Variants in ARHGEF28 observed in about 807,000 individuals in gnomAD.
ARHGEF28 encodes the protein Rho guanine nucleotide exchange factor 28.
ARHGEF28 carries 152 observed loss-of-function variants against 206.6 expected under a neutral mutation model. The ratio of observed to expected loss-of-function variants is 0.74; its 90% CI spans 0.64 to 0.84. The LOEUF (loss-of-function observed/expected upper bound fraction) is 0.84. Ranked by LOEUF, ARHGEF28 falls within the 40% of genes least tolerant of loss-of-function variation. The pLI is 0.00. For missense variants in ARHGEF28, 2,028 were observed against 2,073.2 expected (o/e 0.98, Z 0.42); for synonymous variants, 763 against 776.4 (o/e 0.98, Z 0.29).
intron 35 of ARHGEF28, among the ~76,000 whole-genome samples, chr5:73,912,858 A>G (rs561440677): frequency 3.8e-4 from 58 of 152,298 alleles, no homozygotes; most frequent in African/African-American, 1.4e-3. Context: ...TTAATCTGCT[A>G]TTTACAGTGC....
chr5:73,870,490 C>G (rs747223789), intron 21 of ARHGEF28, among the ~76,000 whole-genome samples: 3 of 152,166 alleles, frequency 2.0e-5, no homozygotes, highest in Non-Finnish European at 2.9e-5. Flanking sequence ...ATAATATGTA[C>G]CTGGCACAGA....
rs1121378 is a variant in ARHGEF28 at position 73,768,011 on chromosome 5, C to A, written c.476-5844C>A. On this transcript the variant is annotated intron_variant, in intron 4 of 35. Transcript: ENST00000513042. ...AGAACTCGGGCCATGGCTTCTGAGG[C>A]TGCAAACCTCAAGCCTTGGCAGCCT... 2.0e-3 allele frequency among the ~76,000 whole-genome samples: 301 copies of A among 152,256 alleles called. 6 individuals are homozygous for A. Among genetic ancestry groups the A allele is most frequent in the African/African-American group, 6.9e-3 (286 of 41,500 alleles).
rs908788790 is a variant in ARHGEF28 at position 73,650,286 on chromosome 5, T to C, written c.-12+23964T>C. Among the ~76,000 whole-genome samples the C allele has an allele frequency of 1.9e-4, 27 of 144,686 alleles. 1 individual carries two copies. Among genetic ancestry groups the C allele is most frequent in the Admixed American group, 7.5e-4 (11 of 14,606 alleles). 94.9% of individuals were successfully genotyped at this position (144,686 alleles called of 152,430 possible). On this transcript the variant is annotated intron_variant, in intron 1 of 35. Transcript: ENST00000513042. The stretch of plus-strand genomic sequence containing the variant: ...GATGTTTTCTTTCTTTCTTTTTTTT[T>C]TTTTTTTTTTTTTTTTTAGACGGAG...
chr5:73,774,485 G>T (rs1255447044), intron 5 of ARHGEF28, among the ~76,000 whole-genome samples: 3 of 152,142 alleles, frequency 2.0e-5, no homozygotes, highest in African/African-American at 7.2e-5. Context: ...CCATTGCAAT[G>T]CTCTAGTACA....
chr5:73,937,205 G>A (rs951556049), intron 35 of ARHGEF28, among the ~76,000 whole-genome samples: 4 of 152,176 alleles, frequency 2.6e-5, no homozygotes, highest in African/African-American at 9.7e-5. Flanking sequence ...AAAAGGAATG[G>A]TGCCAGCCAA....
At chr5:73,901,049 A>G (rs1178374474) in intron 30 of ARHGEF28, 135 bp from the exon 31 acceptor site, 1 of 673,542 alleles carries the variant, frequency 1.5e-6, no homozygotes, top group Non-Finnish European at 2.6e-6. Context: ...CACCTCATCT[A>G]AGAATACTCA....
chr5:73,689,935 T>A (rs1747710364), intron 2 of ARHGEF28, among the ~76,000 whole-genome samples: 1 of 152,172 alleles, frequency 6.6e-6, no homozygotes, highest in Admixed American at 6.5e-5. Context: ...AAAGGGTAAG[T>A]TAGAATCAGT....
chr5:73,911,514 C>T lies in ARHGEF28; in HGVS notation c.4887C>T (p.Ala1629=), dbSNP rs149607856. 22 of 1,613,306 alleles carry T rather than the reference C, an allele frequency of 1.4e-5. No homozygotes were observed. The highest frequency in any genetic ancestry group is 4.4e-5 in the South Asian group (4 of 90,878). Residue 1629 remains alanine (A), a synonymous_variant, in exon 35 of 36, where the codon GCC becomes GCT. Transcript: ENST00000513042. ...PSNVSHKLWT[A]AGSGHQILPF... Reference sequence around the variant, plus strand: ...ATGTCAGTCACAAACTGTGGACAGCCGCTGGTTCCGGCCATCAGATACTTC... The same window carrying T: ...ATGTCAGTCACAAACTGTGGACAGCTGCTGGTTCCGGCCATCAGATACTTC...
At chr5:73,724,589 C>G (rs1300589116) in intron 2 of ARHGEF28, among the ~76,000 whole-genome samples, 2 of 152,188 alleles carry the variant, frequency 1.3e-5, no homozygotes, top group Admixed American at 1.3e-4. Context: ...TCCCTGTCAA[C>G]TGCTGTTCTT....
chr5:73,800,180 T>G (rs1251507914), intron 9 of ARHGEF28, among the ~76,000 whole-genome samples: 1 of 152,218 alleles, frequency 6.6e-6, no homozygotes, highest in African/African-American at 2.4e-5. Flanking sequence ...TGCATTTCTT[T>G]TTTACGTAGC....
At chr5:73,852,620 G>GTTT in intron 13 of ARHGEF28, 30 bp from the exon 14 acceptor site, 2 of 1,611,092 alleles carry the variant, frequency 1.2e-6, no homozygotes, top group South Asian at 2.2e-5. Flanking sequence ...GTGTGCCTTA[G>GTTT]TTTTCATTTT....
intron 2 of ARHGEF28, among the ~76,000 whole-genome samples, chr5:73,705,188 A>G (rs2112295570): frequency 6.6e-6 from 1 of 152,320 alleles, no homozygotes; most frequent in South Asian, 2.1e-4. Flanking sequence ...ACAGAAGTGG[A>G]GGTGCTTTTG....
chr5:73,885,864 C>T lies in ARHGEF28; in HGVS notation c.3070C>T (p.His1024Tyr), dbSNP rs1250038098. 6.2e-7 allele frequency: 1 copy of T among 1,610,442 alleles called. No homozygotes were observed. The highest frequency in any genetic ancestry group is 1.3e-5 in the African/African-American group (1 of 74,568). The change falls in exon 25 of 36, where the codon CAT (histidine) becomes TAT (tyrosine). Residue 1024 changes from histidine to tyrosine, a missense_variant. Physicochemically the swap from His to Tyr is moderately conservative, Grantham distance 83. This residue lies in a region of ARHGEF28 where 223 missense variants were observed against 289.9 expected (regional missense o/e 0.77). Coordinates refer to ENST00000513042, the MANE Select transcript of ARHGEF28 (RefSeq NM_001177693.2). ...LQYTKERTEE[H>Y]KDLRKALCLI... is the part of the protein sequence containing the mutation. ...TTCCCACGCAGAAAGAACTGAGGAA[C>T]ATAAAGACTTACGCAAAGCGCTTTG...
In ARHGEF28 at chr5:73,893,196, G is replaced by A. The variant is rs1217307215; in HGVS notation, c.3567-1G>A. Reference sequence around the variant, plus strand: ...TGTCTCTTGACTATTGTCTTTTAAAGTTGTCCTGAAGAAAAAGGGGGAAGG... The same window carrying A: ...TGTCTCTTGACTATTGTCTTTTAAAATTGTCCTGAAGAAAAAGGGGGAAGG... On this transcript the variant is annotated splice_acceptor_variant, in intron 27 of 35. Transcript: ENST00000513042. LOFTEE classifies it high-confidence loss of function. 1 of 1,545,882 alleles carries A rather than the reference G, an allele frequency of 6.5e-7. No individual in the cohort carries two copies. The highest frequency in any genetic ancestry group is 1.2e-5 in the South Asian group (1 of 81,036).
intron 2 of ARHGEF28, among the ~76,000 whole-genome samples, chr5:73,694,803 G>A (rs571852508): frequency 3.9e-5 from 6 of 152,306 alleles, no homozygotes; most frequent in African/African-American, 7.2e-5. Context: ...CTTAATCTAA[G>A]GTGTTTATTT....
rs760502222 is a variant in ARHGEF28 at position 73,909,897 on chromosome 5, G to A, written c.4647G>A (p.Glu1549=). ...CGGTGCTCCTTCCGGGTGGCCCCGA[G>A]GTATGGACCTTCTGCGGTGCTGTGA... ...LPAVLLPGGP[E]VMELNRSESL... The change falls in exon 34 of 36, where the codon GAG becomes GAA. Residue 1549 remains glutamate (E), a splice_region_variant and synonymous_variant. Coordinates refer to ENST00000513042, the MANE Select transcript of ARHGEF28 (RefSeq NM_001177693.2). 1.1e-4 allele frequency: 160 copies of A among 1,499,790 alleles called. No individual in the cohort carries two copies. The highest frequency in any genetic ancestry group is 2.0e-4 in the Admixed American group (9 of 44,274). The allele number at this position is 1,499,790 out of a possible 1,614,324, so 92.9% of individuals were successfully genotyped here. A position where few individuals can be genotyped will look rare whatever the true frequency, so the allele number is the denominator to read the frequency against.
intron 4 of ARHGEF28, among the ~76,000 whole-genome samples, chr5:73,768,821 A>G (rs2112437891): frequency 6.6e-6 from 1 of 152,060 alleles, no homozygotes; most frequent in South Asian, 2.1e-4. Context: ...TCCTCACCCA[A>G]ATCTCATCTT....
At chr5:73,862,871 A>T (rs1228192448) in intron 16 of ARHGEF28, among the ~76,000 whole-genome samples, 1 of 151,902 alleles carries the variant, frequency 6.6e-6, no homozygotes. Flanking sequence ...AAAAAAAAAA[A>T]AAACTACAGT....
At chr5:73,730,533 GATTT>G (rs563237846) in intron 2 of ARHGEF28, among the ~76,000 whole-genome samples, 2,489 of 139,624 alleles carry the variant, frequency 0.018, 47 homozygotes, top group African/African-American at 0.065. Flanking sequence ...CCATAAGGAG[GATTT>G]TTTTTTTTTT....
Sources: allele counts gnomAD v4.1 joint callset (sites outside exome capture counted in the v4.1 genomes callset), GRCh38; gene constraint gnomAD v4.1.1; regional missense constraint gnomAD v4.1.1; transcripts MANE v1.5; gene names NCBI Gene and HGNC (gene_info 2026-07-23, HGNC 2026-07-21).